The following LIPH variants were observed in gnomAD, a reference collection of about 807,000 sequenced individuals.
LIPH encodes lipase H.
Under a neutral mutation model 47.6 loss-of-function variants are expected in LIPH, and 32 were observed. The ratio of observed to expected loss-of-function variants is 0.67; its 90% CI spans 0.51 to 0.90. LIPH has a LOEUF of 0.90. LIPH is among the 40% of genes least tolerant of loss of function. The probability of loss-of-function intolerance (pLI) is 0.00; values close to 1 mark genes in which losing one functional copy is unlikely to be tolerated. For synonymous variants in LIPH, 190 were observed against 195.6 expected (o/e 0.97, Z 0.24); for missense variants, 497 against 541.4 (o/e 0.92, Z 0.81).
At chr3:185,531,013 C>G (rs952809587) in intron 3 of LIPH, among the ~76,000 whole-genome samples, 2 of 152,100 alleles carry the variant, frequency 1.3e-5, no homozygotes, top group Admixed American at 6.6e-5. Context: ...AAGGTATAAA[C>G]TGAGACTGTC....
intron 8 of LIPH, among the ~76,000 whole-genome samples, chr3:185,512,671 T>C (rs1328017077): frequency 6.6e-6 from 1 of 151,850 alleles, no homozygotes; most frequent in African/African-American, 2.4e-5. Context: ...GTATTTTTAA[T>C]GGAGACAGGG....
Position 185,512,127 on chromosome 3 carries a change from T to C in LIPH, c.1095-430A>G, listed in dbSNP as rs572000586. Among the ~76,000 whole-genome samples, 14 of 152,260 alleles carry C rather than the reference T, an allele frequency of 9.2e-5. No homozygotes were observed. In the South Asian group the frequency reaches 2.7e-3, roughly 29 times the overall value. On this transcript the variant is annotated intron_variant, in intron 8 of 9. Coordinates refer to ENST00000296252, the MANE Select transcript of LIPH (RefSeq NM_139248.3). ...ATCAAGCTCCCCAGGTGACAGGCCT[T>C]ATATGTAGCAGTGAAGAGATTCCAA... is the stretch of plus-strand genomic sequence containing the variant.
chr3:185,537,471 C>T (rs1720537072), intron 1 of LIPH, among the ~76,000 whole-genome samples: 1 of 152,110 alleles, frequency 6.6e-6, no homozygotes, highest in African/African-American at 2.4e-5. Context: ...CTTTCATTTC[C>T]TCTTCCTGTA....
In LIPH at chr3:185,508,270, T is replaced by C. The variant is rs192205909; in HGVS notation, c.*520A>G. The C allele has an allele frequency of 6.1e-6, 1 of 164,044 alleles. No individual in the cohort carries two copies. Among genetic ancestry groups the C allele is most frequent in the African/African-American group, 2.4e-5 (1 of 41,818 alleles). The allele number at this position is 164,044 out of a possible 1,614,324, so 10.2% of individuals were successfully genotyped here. On this transcript the variant is annotated 3_prime_UTR_variant, in exon 10 of 10. Transcript: ENST00000296252. ...TCACATTTATCAAACATCTCATAGA[T>C]GTGGCACCTATGGGATTTCAAAAAA...
intron 1 of LIPH, among the ~76,000 whole-genome samples, chr3:185,548,333 A>G (rs2148967087): frequency 6.6e-6 from 1 of 151,768 alleles, no homozygotes; most frequent in Non-Finnish European, 1.5e-5. Flanking sequence ...AGAACCAGGG[A>G]GGCGGAGGTT....
rs1385498619 is a variant in LIPH, at chr3:185,507,572, G to A, written c.*1218C>T. ...CAGGGATTGTCCTCCCTTCTTTCTG[G>A]CCTTGGCCTGACAGGACCTCTTGAC... is the stretch of plus-strand genomic sequence containing the variant. On this transcript the variant is annotated 3_prime_UTR_variant, in exon 10 of 10. Coordinates refer to ENST00000296252, the MANE Select transcript of LIPH (RefSeq NM_139248.3). The A allele has an allele frequency of 6.6e-6, 1 of 152,102 alleles. No homozygotes were observed. Among genetic ancestry groups the A allele is most frequent in the Admixed American group, 6.6e-5 (1 of 15,266 alleles). 9.4% of individuals were successfully genotyped at this position (152,102 alleles called of 1,614,324 possible). A position where few individuals can be genotyped will look rare whatever the true frequency, so the allele number is the denominator to read the frequency against.
At chr3:185,519,410 G>T (rs917917041) in intron 5 of LIPH, 101 bp from the exon 6 acceptor site, 17 of 781,996 alleles carry the variant, frequency 2.2e-5, no homozygotes, top group Non-Finnish European at 6.9e-6. Flanking sequence ...CTGGCCCTGC[G>T]CTCTTTCAGT....
intron 3 of LIPH, among the ~76,000 whole-genome samples, chr3:185,529,976 A>AAGAAAGAGAGAGAG (rs796155621): frequency 9.5e-6 from 1 of 104,882 alleles, no homozygotes; most frequent in Non-Finnish European, 2.1e-5. Flanking sequence ...GAAAGAAAGA[A>AAGAAAGAGAGAGAG]AGAGAGAGAG....
At chr3:185,529,979 AG>A (rs1720280393) in intron 3 of LIPH, among the ~76,000 whole-genome samples, 7 of 64,292 alleles carry the variant, frequency 1.1e-4, no homozygotes, top group South Asian at 7.8e-4. Flanking sequence ...AGAAAGAAAG[AG>A]AGAGAGAGAG....
At position 185,519,443 on chromosome 3, in the gene LIPH, T is replaced by G. The variant is rs1719833310; in HGVS notation, c.719-134A>C. On this transcript the variant is annotated intron_variant, in intron 5 of 9. Coordinates refer to ENST00000296252, the MANE Select transcript of LIPH (RefSeq NM_139248.3). The stretch of plus-strand genomic sequence containing the variant: ...AGTGTATTTTATTTCATTTAATCTT[T>G]ATAAAATCCCATAGATAAGAATTCA... The G allele has an allele frequency of 8.6e-6, 6 of 696,562 alleles. No homozygotes were observed. In the South Asian group the frequency reaches 9.4e-5, roughly 11 times the overall value. The allele number at this position is 696,562 out of a possible 1,614,324, so 43.1% of individuals were successfully genotyped here. A position where few individuals can be genotyped will look rare whatever the true frequency, so the allele number is the denominator to read the frequency against.
intron 3 of LIPH, among the ~76,000 whole-genome samples, chr3:185,529,895 AAGAG>A (rs1720257252): frequency 6.7e-6 from 1 of 149,866 alleles, no homozygotes; most frequent in African/African-American, 2.5e-5. Context: ...GAGAGAGAGA[AAGAG>A]AGAAAGAAAA....
chr3:185,527,395 C>G (rs1720140828), intron 4 of LIPH, 89 bp downstream of exon 4: 6 of 925,040 alleles, frequency 6.5e-6, no homozygotes, highest in Non-Finnish European at 9.1e-6. Flanking sequence ...CTAGAGGAAC[C>G]TGATCTGCTC....
intron 1 of LIPH, among the ~76,000 whole-genome samples, chr3:185,541,131 C>G (rs759149089): frequency 1.2e-4 from 19 of 152,210 alleles, no homozygotes; most frequent in Non-Finnish European, 2.4e-4. Context: ...TTTGGCTCAT[C>G]TGGTGATTCC....
intron 3 of LIPH, among the ~76,000 whole-genome samples, chr3:185,531,503 G>A (rs916208916): frequency 6.7e-6 from 1 of 150,140 alleles, no homozygotes; most frequent in Admixed American, 6.7e-5. Context: ...GCTGCAGTGA[G>A]CCATGATCAT....
intron 1 of LIPH, among the ~76,000 whole-genome samples, chr3:185,548,281 G>A (rs751395059): frequency 4.0e-4 from 61 of 151,672 alleles, no homozygotes; most frequent in Admixed American, 1.3e-3. Flanking sequence ...GGTGGGCACC[G>A]GTAGTCCCAG....
rs189761082 is a variant in LIPH at position 185,542,317 on chromosome 3, T to C, written c.50-7185A>G. 1.1e-4 allele frequency among the ~76,000 whole-genome samples: 16 copies of C among 152,046 alleles called. No individual in the cohort carries two copies. The East Asian group carries it at 3.1e-3, about 29-fold the overall frequency. ...CGTTTTTTGCTTCCTGTGCTTTTTC[T>C]TTTTTCTTTTTTTTTTTGAGACGGA... is the stretch of plus-strand genomic sequence containing the variant. On this transcript the variant is annotated intron_variant, in intron 1 of 9. Transcript: ENST00000296252.
chr3:185,510,565 AATT>A (rs1719530478), intron 9 of LIPH, among the ~76,000 whole-genome samples: 1 of 152,144 alleles, frequency 6.6e-6, no homozygotes, highest in African/African-American at 2.4e-5. Flanking sequence ...GCCATTATCA[AATT>A]TAAGAAATTC....
chr3:185,515,637 T>C (rs535996787), intron 7 of LIPH, among the ~76,000 whole-genome samples: 2 of 152,250 alleles, frequency 1.3e-5, no homozygotes, highest in South Asian at 4.1e-4. Flanking sequence ...GCCTTCTAGG[T>C]AGCTGGGATT....
At chr3:185,526,686 TATAAA>T (rs560152016) in intron 4 of LIPH, among the ~76,000 whole-genome samples, 43 of 32,004 alleles carry the variant, frequency 1.3e-3, no homozygotes, top group African/African-American at 3.7e-3. Context: ...TATAATATAA[TATAAA>T]ATAAATAAAA....
Sources: gnomAD v4.1 joint callset for allele counts (sites outside exome capture counted in the v4.1 genomes callset) on GRCh38, gnomAD v4.1.1 for gene constraint, MANE v1.5 for transcripts, NCBI Gene and HGNC (gene_info 2026-07-23, HGNC 2026-07-21) for gene names.